The following PDE3A variants were observed in gnomAD, a reference collection of about 807,000 sequenced individuals.
The protein encoded by PDE3A is cGMP-inhibited 3',5'-cyclic phosphodiesterase 3A.
Under a neutral mutation model 98.3 loss-of-function variants are expected in PDE3A, and 43 were observed. The ratio of observed to expected loss-of-function variants is 0.44; its 90% CI spans 0.34 to 0.56. The LOEUF (loss-of-function observed/expected upper bound fraction) is 0.56. Ranked by LOEUF, PDE3A falls within the 20% of genes least tolerant of loss-of-function variation. The pLI is 0.01. For missense variants in PDE3A, 1,427 were observed against 1,440.7 expected (o/e 0.99, Z 0.15); for synonymous variants, 663 against 567.9 (o/e 1.17, Z -2.38).
At chr12:20,430,318 T>C (rs527354568) in intron 1 of PDE3A, among the ~76,000 whole-genome samples, 3 of 152,190 alleles carry the variant, frequency 2.0e-5, no homozygotes, top group Admixed American at 2.0e-4. Context: ...GATTTTTTTT[T>C]ATTTTTCATC....
chr12:20,408,893 A>G (rs761780007), intron 1 of PDE3A, among the ~76,000 whole-genome samples: 12 of 152,212 alleles, frequency 7.9e-5, no homozygotes, highest in Non-Finnish European at 1.3e-4. Context: ...TTTGAGTGCA[A>G]TGATGGATCC....
intron 2 of PDE3A, among the ~76,000 whole-genome samples, chr12:20,604,474 G>A (rs1943666653): frequency 6.6e-6 from 1 of 152,084 alleles, no homozygotes; most frequent in African/African-American, 2.4e-5. Flanking sequence ...ACAAAAATAT[G>A]TTTTTCTACC....
At chr12:20,392,415 T>A (rs1943933541) in intron 1 of PDE3A, among the ~76,000 whole-genome samples, 1 of 151,826 alleles carries the variant, frequency 6.6e-6, no homozygotes, top group Admixed American at 6.6e-5. Context: ...ACACATGCCT[T>A]TAGTCCAAGA....
In PDE3A at chr12:20,651,539, C is replaced by G. The variant is rs117651602; in HGVS notation, c.2925+939C>G. ...CTGATTCATAAAAAAAGTTAGATCC[C>G]TCTCTACTGCCCTAAAAAAGGTATG... On this transcript the variant is annotated intron_variant, in intron 14 of 15. Transcript: ENST00000359062. Among the ~76,000 whole-genome samples, 1,303 of 152,232 alleles carry G rather than the reference C, an allele frequency of 8.6e-3. 10 individuals carry two copies. The highest frequency in any genetic ancestry group is 0.013 in the Non-Finnish European group (874 of 68,016).
At chr12:20,464,773 A>C (rs973019664) in intron 1 of PDE3A, among the ~76,000 whole-genome samples, 5 of 152,222 alleles carry the variant, frequency 3.3e-5, no homozygotes, top group African/African-American at 1.2e-4. Context: ...ACATGGATAC[A>C]GACATTAGTT....
At chr12:20,412,869 C>T (rs1944358363) in intron 1 of PDE3A, among the ~76,000 whole-genome samples, 1 of 152,112 alleles carries the variant, frequency 6.6e-6, no homozygotes, top group South Asian at 2.1e-4. Context: ...ACATTGAAAA[C>T]CATCATACTA....
At chr12:20,466,476 GT>G (rs1437014044) in intron 1 of PDE3A, among the ~76,000 whole-genome samples, 1 of 152,140 alleles carries the variant, frequency 6.6e-6, no homozygotes, top group Non-Finnish European at 1.5e-5. Flanking sequence ...GGTGCGCTGA[GT>G]TGTATTTAAG....
chr12:20,466,462 A>T (rs1015927363), intron 1 of PDE3A, among the ~76,000 whole-genome samples: 1 of 151,872 alleles, frequency 6.6e-6, no homozygotes, highest in African/African-American at 2.4e-5. Context: ...AGACCATCTA[A>T]CAGGGTGCGC....
At chr12:20,620,604 A>G (rs546250761) in intron 4 of PDE3A, among the ~76,000 whole-genome samples, 3 of 152,222 alleles carry the variant, frequency 2.0e-5, no homozygotes, top group African/African-American at 7.2e-5. Context: ...CCATGAATCT[A>G]TTAATTCCAC....
chr12:20,442,029 A>AT (rs773445699), intron 1 of PDE3A, among the ~76,000 whole-genome samples: 26 of 152,128 alleles, frequency 1.7e-4, no homozygotes, highest in Admixed American at 7.2e-4. Flanking sequence ...ACCCTTTTGC[A>AT]TTTCTGGATC....
intron 1 of PDE3A, among the ~76,000 whole-genome samples, chr12:20,477,031 G>A (rs376748703): frequency 1.3e-5 from 2 of 152,040 alleles, no homozygotes; most frequent in Admixed American, 6.6e-5. Context: ...ATACTATTTC[G>A]TGGTTTAGTA....
intron 1 of PDE3A, among the ~76,000 whole-genome samples, chr12:20,542,801 CCAGTGGGTT>C (rs772211446): frequency 2.0e-5 from 3 of 151,858 alleles, no homozygotes; most frequent in African/African-American, 4.8e-5. Context: ...TGAAGTTGTG[CCAGTGGGTT>C]CGTCTGAGTT....
intron 2 of PDE3A, among the ~76,000 whole-genome samples, chr12:20,560,619 G>T (rs2121282892): frequency 6.6e-6 from 1 of 152,264 alleles, no homozygotes; most frequent in East Asian, 1.9e-4. Context: ...GAAAGAGGTG[G>T]CAGCAAGAGT....
At chr12:20,479,681 G>A (rs1288867728) in intron 1 of PDE3A, among the ~76,000 whole-genome samples, 1 of 152,172 alleles carries the variant, frequency 6.6e-6, no homozygotes, top group Non-Finnish European at 1.5e-5. Context: ...GGGCAGCGTG[G>A]AAGAAACTGT....
intron 1 of PDE3A, among the ~76,000 whole-genome samples, chr12:20,430,499 A>G (rs1479326620): frequency 1.3e-5 from 2 of 152,176 alleles, no homozygotes; most frequent in Non-Finnish European, 2.9e-5. Context: ...TGTCTAAAAC[A>G]AAATTGCCTC....
chr12:20,369,609 G>A lies in PDE3A; in HGVS notation c.325G>A (p.Gly109Arg). 6.4e-7 allele frequency: 1 copy of A among 1,573,074 alleles called. No individual in the cohort carries two copies. The highest frequency in any genetic ancestry group is 2.3e-5 in the East Asian group (1 of 42,852). The change falls in exon 1 of 16, where the codon GGG becomes AGG. Residue 109 changes from glycine to arginine, a missense_variant. Gly to Arg is a moderately radical substitution (Grantham distance 125). Coordinates refer to ENST00000359062, the MANE Select transcript of PDE3A (RefSeq NM_000921.5). ...EEEEAAPGAEGGVFPGPRGGA... is the reference protein window; with the variant it reads ...EEEEAAPGAERGVFPGPRGGA... ...GGAGGAAGCAGCCCCGGGAGCAGAA[G>A]GGGGCGTCTTCCCGGGGCCTCGGGG... is the stretch of plus-strand genomic sequence containing the variant.
chr12:20,375,000 A>G (rs908420361), intron 1 of PDE3A, among the ~76,000 whole-genome samples: 1 of 151,996 alleles, frequency 6.6e-6, no homozygotes, highest in Admixed American at 6.6e-5. Flanking sequence ...AGTGATGCAT[A>G]ACCCTACAGG....
chr12:20,666,114 G>A (rs1945304041), intron 15 of PDE3A, among the ~76,000 whole-genome samples: 1 of 151,684 alleles, frequency 6.6e-6, no homozygotes, highest in Non-Finnish European at 1.5e-5. Flanking sequence ...ACAGGCATAT[G>A]CCACCATGCC....
chr12:20,682,785 A>G lies in PDE3A; in HGVS notation c.*2514A>G, dbSNP rs188932759. On this transcript the variant is annotated 3_prime_UTR_variant, in exon 16 of 16. Transcript: ENST00000359062. ...TGCATCTAAGTACTTAGCAAAGTCA[A>G]TATTTTCCCATTTTCCAAATGCGTC... is the stretch of plus-strand genomic sequence containing the variant. 1.3e-5 allele frequency: 2 copies of G among 152,308 alleles called. No homozygotes were observed. The highest frequency in any genetic ancestry group is 1.9e-4 in the East Asian group (1 of 5,176). The allele number at this position is 152,308 out of a possible 1,614,324, so 9.4% of individuals were successfully genotyped here.
Sources: gnomAD v4.1 joint callset for allele counts (sites outside exome capture counted in the v4.1 genomes callset) on GRCh38, gnomAD v4.1.1 for gene constraint, MANE v1.5 for transcripts, NCBI Gene and HGNC (gene_info 2026-07-23, HGNC 2026-07-21) for gene names.